DDX31: variants seen among roughly 807,000 people sequenced by gnomAD.
DDX31 encodes the protein ATP-dependent DNA helicase DDX31.
In DDX31, 70 loss-of-function variants were observed where a neutral mutation model predicts 91.3. The observed-to-expected ratio is 0.77, with a 90% CI of 0.63 to 0.94. DDX31 has a LOEUF of 0.94. Among genes scored for constraint, DDX31 ranks in the 40% least tolerant of loss-of-function variants. DDX31 has a pLI of 0.00. For missense variants in DDX31, 902 were observed against 925.0 expected (o/e 0.98, Z 0.32); for synonymous variants, 362 against 350.6 (o/e 1.03, Z -0.36).
intron 19 of DDX31, among the ~76,000 whole-genome samples, chr9:132,600,242 T>C (rs545670036): frequency 6.6e-6 from 1 of 152,344 alleles, no homozygotes; most frequent in African/African-American, 2.4e-5. Flanking sequence ...GGTAGAGAAG[T>C]ATGCTGGCAG....
intron 19 of DDX31, among the ~76,000 whole-genome samples, chr9:132,611,478 C>T (rs984307189): frequency 6.6e-6 from 1 of 152,198 alleles, no homozygotes; most frequent in African/African-American, 2.4e-5. Context: ...ACTGGGAAAA[C>T]AGACTCAGAG....
chr9:132,666,467 TA>T (rs1337970903), intron 1 of DDX31, among the ~76,000 whole-genome samples: 10 of 152,188 alleles, frequency 6.6e-5, no homozygotes, highest in African/African-American at 2.4e-4. Flanking sequence ...AGTGGGTTTT[TA>T]AAAATCTTTT....
rs568569904 is a variant in DDX31 at position 132,647,051 on chromosome 9, C to T, written c.975G>A (p.Thr325=). ...LLSATLTEGV[T]RLADISLHDP... Reference sequence around the variant, plus strand: ...CATGCAAACTGATATCAGCTAGCCGCGTTACACCTTGGATAAAAGTAAGAA... The same window carrying T: ...CATGCAAACTGATATCAGCTAGCCGTGTTACACCTTGGATAAAAGTAAGAA... The change falls in exon 12 of 20, where the codon ACG becomes ACA. Residue 325 remains threonine, a synonymous_variant. Coordinates refer to ENST00000372159, the MANE Select transcript of DDX31 (RefSeq NM_022779.9). 1.0e-3 allele frequency: 1,609 copies of T among 1,608,918 alleles called. 31 individuals carry two copies. In the South Asian group the frequency reaches 0.017, roughly 17 times the overall value.
chr9:132,661,385 G>A, intron 3 of DDX31, 134 bp from the exon 4 acceptor site: 1 of 784,578 alleles, frequency 1.3e-6, no homozygotes, highest in South Asian at 1.8e-5. Flanking sequence ...CCCAGGTGGT[G>A]CTCTCTACTT....
At chr9:132,658,974 T>C (rs181921737) in intron 5 of DDX31, among the ~76,000 whole-genome samples, 1 of 152,340 alleles carries the variant, frequency 6.6e-6, no homozygotes, top group African/African-American at 2.4e-5. Context: ...AGTTCCTTTA[T>C]TCATCTAACA....
chr9:132,600,469 C>T (rs1379800373), intron 19 of DDX31, among the ~76,000 whole-genome samples: 1 of 152,180 alleles, frequency 6.6e-6, no homozygotes, highest in East Asian at 1.9e-4. Context: ...AGATCAAGAT[C>T]TAGTGAAGCT....
chr9:132,599,336 T>C (rs139833527), intron 19 of DDX31, among the ~76,000 whole-genome samples: 6 of 152,348 alleles, frequency 3.9e-5, no homozygotes, highest in South Asian at 2.1e-4. Context: ...AGTTTAACCA[T>C]AGCAGTCTGT....
Position 132,648,180 on chromosome 9 carries a change from T to G in DDX31, c.967+9A>C. On this transcript the variant is annotated intron_variant, in intron 11 of 19. Transcript: ENST00000372159. Reference sequence around the variant, plus strand: ...ACAAAGAAGGACCCATCACTTCTTTTCAACTCACCTTCTGTGAGTGTCGCT... The same window carrying G: ...ACAAAGAAGGACCCATCACTTCTTTGCAACTCACCTTCTGTGAGTGTCGCT... The G allele has an allele frequency of 6.2e-7, 1 of 1,604,406 alleles. No homozygotes were observed. The highest frequency in any genetic ancestry group is 8.5e-7 in the Non-Finnish European group (1 of 1,175,354).
chr9:132,650,335 C>T, intron 8 of DDX31, 37 bp from the exon 9 acceptor site: 1 of 1,592,014 alleles, frequency 6.3e-7, no homozygotes, highest in Non-Finnish European at 8.6e-7. Context: ...AGTGCAAAGC[C>T]CCCTTTACTA....
chr9:132,628,035 T>C (rs1832503060), intron 16 of DDX31, among the ~76,000 whole-genome samples: 1 of 152,244 alleles, frequency 6.6e-6, no homozygotes, highest in African/African-American at 2.4e-5. Flanking sequence ...TTGTCGTTGT[T>C]GCTGTTTTGC....
At chr9:132,656,308 T>C (rs775438096) in intron 6 of DDX31, among the ~76,000 whole-genome samples, 8 of 152,252 alleles carry the variant, frequency 5.3e-5, no homozygotes, top group Admixed American at 2.6e-4. Flanking sequence ...AATTGAGGCT[T>C]GGAAAACTGT....
At chr9:132,650,080 C>T (rs988315650) in intron 9 of DDX31, among the ~76,000 whole-genome samples, 154 bp downstream of exon 9, 8 of 152,066 alleles carry the variant, frequency 5.3e-5, no homozygotes, top group South Asian at 2.1e-4. Context: ...TAGAGGTGAC[C>T]GCTCCCCACT....
chr9:132,622,429 A>G (rs1023044879), intron 17 of DDX31, among the ~76,000 whole-genome samples: 3 of 152,308 alleles, frequency 2.0e-5, no homozygotes, highest in Non-Finnish European at 2.9e-5. Flanking sequence ...AAACGACTGT[A>G]GCTTGTTGCT....
At chr9:132,638,501 A>C in intron 14 of DDX31, 1 of 1,242,462 alleles carries the variant, frequency 8.0e-7, no homozygotes, top group Non-Finnish European at 1.1e-6. Context: ...TTCCTACTTA[A>C]CTTGGCTTTT....
rs1832761085 is a variant in DDX31, at chr9:132,632,053, C to T, written c.1479G>A (p.Thr493=). Residue 493 remains threonine, a synonymous_variant, in exon 15 of 20, where the codon ACG becomes ACA. Transcript: ENST00000372159. ...AARGLDLPQV[T]WIVQYNAPSS... ...ACTAAAAAATTACCTGAACAATCCA[C>T]GTGACTTGAGGGAGATCTAAGCCCC... is the stretch of plus-strand genomic sequence containing the variant. The T allele has an allele frequency of 5.0e-6, 8 of 1,613,094 alleles. No individual in the cohort carries two copies. The highest frequency in any genetic ancestry group is 2.2e-5 in the South Asian group (2 of 90,986).
chr9:132,640,264 G>A (rs369432226), intron 14 of DDX31, among the ~76,000 whole-genome samples: 110 of 152,236 alleles, frequency 7.2e-4, no homozygotes, highest in African/African-American at 2.6e-3. Flanking sequence ...AAATTTAAGG[G>A]GAGACCTAAA....
intron 18 of DDX31, 57 bp downstream of exon 18, chr9:132,618,273 G>A (rs551621563): frequency 4.8e-6 from 7 of 1,459,662 alleles, no homozygotes; most frequent in Non-Finnish European, 6.6e-6. Context: ...GGGTGAAGGT[G>A]GGGGAGAGCA....
chr9:132,597,689 G>A (rs774461061), intron 19 of DDX31, among the ~76,000 whole-genome samples: 3 of 152,166 alleles, frequency 2.0e-5, no homozygotes, highest in Admixed American at 1.3e-4. Context: ...CAGTGCGCCC[G>A]TGCTCCCAGG....
At chr9:132,663,558 T>C (rs1303332494) in intron 1 of DDX31, 1 of 980,944 alleles carries the variant, frequency 1.0e-6, no homozygotes, top group Non-Finnish European at 1.2e-6. Context: ...TTGGCCTTCT[T>C]TTCTGATTTA....
Sources: allele counts gnomAD v4.1 joint callset (sites outside exome capture counted in the v4.1 genomes callset), GRCh38; gene constraint gnomAD v4.1.1; transcripts MANE v1.5; gene names NCBI Gene and HGNC (gene_info 2026-07-23, HGNC 2026-07-21).